The following UTRN variants were observed in gnomAD, a reference collection of about 807,000 sequenced individuals.
UTRN encodes utrophin.
UTRN carries 283 observed loss-of-function variants against 463.9 expected under a neutral mutation model. The observed-to-expected ratio is 0.61, with a 90% confidence interval of 0.55 to 0.67. The LOEUF is 0.67. UTRN is among the 30% of genes least tolerant of loss of function. UTRN has a pLI of 0.00. For synonymous variants in UTRN, 1,442 were observed against 1,431.5 expected, an observed-to-expected ratio of 1.01 and a Z score of -0.17; for missense variants, 3,922 against 4,084.3, an observed-to-expected ratio of 0.96 and a Z score of 1.08.
At chr6:144,663,631 G>T (rs528913444) in intron 51 of UTRN, among the ~76,000 whole-genome samples, 1 of 152,118 alleles carries the variant, frequency 6.6e-6, no homozygotes, top group South Asian at 2.1e-4. Flanking sequence ...AATGATAATC[G>T]TAGTTCTCTA....
rs199757775 is a variant in UTRN, at chr6:144,462,776, T to C, written c.2976T>C (p.Asp992=). The change falls in exon 23 of 75, where the codon GAT becomes GAC. Residue 992 remains aspartate (D), a synonymous_variant. Coordinates refer to ENST00000367545, the MANE Select transcript of UTRN (RefSeq NM_007124.3). ...AATTATATAAGCAAGAATTTGATGA[T>C]GTGCAAGGAAAGTGGAACAAGCTAA... The part of the protein sequence containing the change: ...VEKLYKQEFD[D]VQGKWNKLKV... 85 of 1,611,730 alleles carry C rather than the reference T, an allele frequency of 5.3e-5. No individual in the cohort carries two copies. In the South Asian group the frequency reaches 8.8e-4, roughly 17 times the overall value.
intron 65 of UTRN, among the ~76,000 whole-genome samples, chr6:144,804,310 A>G (rs879757571): frequency 2.6e-5 from 4 of 152,184 alleles, no homozygotes; most frequent in Admixed American, 6.5e-5. Context: ...CCCACATCAC[A>G]TTATAGCTTT....
chr6:144,496,096 T>C (rs1451948879), intron 33 of UTRN, among the ~76,000 whole-genome samples: 1 of 152,166 alleles, frequency 6.6e-6, no homozygotes, highest in Non-Finnish European at 1.5e-5. Context: ...TTGTTGAGCA[T>C]TTACTGTGAG....
intron 51 of UTRN, among the ~76,000 whole-genome samples, chr6:144,630,562 A>T (rs1776401611): frequency 1.3e-5 from 2 of 152,150 alleles, no homozygotes; most frequent in Non-Finnish European, 2.9e-5. Context: ...GCATGGGAAA[A>T]ACCTTTCCCC....
intron 51 of UTRN, among the ~76,000 whole-genome samples, chr6:144,629,514 G>A (rs187768070): frequency 2.0e-5 from 3 of 152,328 alleles, no homozygotes; most frequent in East Asian, 3.9e-4. Flanking sequence ...GTGCCTCCTT[G>A]ATCAGATCCC....
At chr6:144,287,621 C>T (rs1803823873) in intron 1 of UTRN, among the ~76,000 whole-genome samples, 1 of 152,030 alleles carries the variant, frequency 6.6e-6, no homozygotes, top group South Asian at 2.1e-4. Context: ...TGTATAATTC[C>T]TAAAATCTTA....
chr6:144,368,076 C>T (rs181864302), intron 2 of UTRN, among the ~76,000 whole-genome samples: 1 of 152,064 alleles, frequency 6.6e-6, no homozygotes, highest in Admixed American at 6.6e-5. Context: ...CACTGCACCC[C>T]GCCTTCTGTT....
intron 46 of UTRN, among the ~76,000 whole-genome samples, chr6:144,546,704 G>C (rs1288899007): frequency 6.6e-6 from 1 of 152,062 alleles, no homozygotes; most frequent in Non-Finnish European, 1.5e-5. Context: ...AACTAATCAG[G>C]AGGCAGTGGT....
intron 51 of UTRN, among the ~76,000 whole-genome samples, chr6:144,648,387 CTTTGAGATAAACCCTGTT>C (rs529354907): frequency 5.3e-5 from 8 of 152,288 alleles, no homozygotes; most frequent in African/African-American, 1.7e-4. Flanking sequence ...ACACATACAA[CTTTGAGATAAACCCTGTT>C]TTTGTTTTAA....
intron 2 of UTRN, among the ~76,000 whole-genome samples, chr6:144,354,860 C>T (rs1018714526): frequency 6.6e-6 from 1 of 152,056 alleles, no homozygotes; most frequent in Non-Finnish European, 1.5e-5. Context: ...TTTTTGAAAA[C>T]GAGGTCTATC....
At chr6:144,446,884 T>A (rs1372771968) in intron 14 of UTRN, among the ~76,000 whole-genome samples, 2 of 152,218 alleles carry the variant, frequency 1.3e-5, no homozygotes, top group Admixed American at 1.3e-4. Context: ...CTTCTGCCTC[T>A]AGGAAGTTGT....
intron 56 of UTRN, among the ~76,000 whole-genome samples, chr6:144,752,471 A>T (rs1227377768): frequency 6.6e-6 from 1 of 152,136 alleles, no homozygotes; most frequent in Non-Finnish European, 1.5e-5. Context: ...ACCTTATTTA[A>T]ATATGCAATT....
chr6:144,363,432 C>G (rs144838529), intron 2 of UTRN, among the ~76,000 whole-genome samples: 1 of 152,292 alleles, frequency 6.6e-6, no homozygotes, highest in Non-Finnish European at 1.5e-5. Context: ...CTGGTCGGAC[C>G]TGTTTCTTTG....
chr6:144,389,051 T>C (rs1456601410), intron 2 of UTRN, among the ~76,000 whole-genome samples: 1 of 152,234 alleles, frequency 6.6e-6, no homozygotes, highest in Non-Finnish European at 1.5e-5. Context: ...CCTGATGATA[T>C]GTTCCCAAGG....
At chr6:144,686,241 C>T (rs1285433937) in intron 52 of UTRN, among the ~76,000 whole-genome samples, 1 of 152,030 alleles carries the variant, frequency 6.6e-6, no homozygotes, top group African/African-American at 2.4e-5. Context: ...CTCTATTCTG[C>T]TTCATTGGTC....
intron 54 of UTRN, among the ~76,000 whole-genome samples, chr6:144,741,915 G>A (rs1790139974): frequency 1.3e-5 from 2 of 152,046 alleles, no homozygotes; most frequent in South Asian, 4.1e-4. Flanking sequence ...ATTGACTTCA[G>A]GTCAGTGGTG....
At chr6:144,335,406 G>A (rs1294964981) in intron 2 of UTRN, among the ~76,000 whole-genome samples, 1 of 152,166 alleles carries the variant, frequency 6.6e-6, no homozygotes, top group Non-Finnish European at 1.5e-5. Context: ...TTAATAACAG[G>A]TTGTTTGTGC....
chr6:144,642,776 A>C (rs1777901064), intron 51 of UTRN, among the ~76,000 whole-genome samples: 1 of 152,256 alleles, frequency 6.6e-6, no homozygotes, highest in South Asian at 2.1e-4. Context: ...AATTGGGGGA[A>C]TAAATATTGG....
At chr6:144,759,820 C>A (rs1204281249) in intron 58 of UTRN, among the ~76,000 whole-genome samples, 2 of 151,938 alleles carry the variant, frequency 1.3e-5, no homozygotes, top group Non-Finnish European at 2.9e-5. Flanking sequence ...TTCAGCCCTG[C>A]CAACTTTGAT....
Sources: allele counts gnomAD v4.1 joint callset (sites outside exome capture counted in the v4.1 genomes callset), GRCh38; gene constraint gnomAD v4.1.1; transcripts MANE v1.5; gene names NCBI Gene and HGNC (gene_info 2026-07-23, HGNC 2026-07-21).